The following KCNIP3 variants were observed in gnomAD, a reference collection of about 807,000 sequenced individuals.
KCNIP3 encodes the protein calsenilin.
In KCNIP3, 28 loss-of-function variants were observed where a neutral mutation model predicts 35.0. The observed-to-expected ratio is 0.80, with a 90% CI of 0.59 to 1.10. The LOEUF is 1.10. Among genes scored for constraint, KCNIP3 ranks in the 50% least tolerant of loss-of-function variants. The pLI is 0.00. For missense variants in KCNIP3, 295 were observed against 338.4 expected, an observed-to-expected ratio of 0.87 and a Z score of 1.01; for synonymous variants, 134 against 133.8, an observed-to-expected ratio of 1.00 and a Z score of -0.01.
intron 6 of KCNIP3, 53 bp downstream of exon 6, chr2:95,381,756 AC>A (rs1680352263): frequency 1.8e-6 from 2 of 1,123,494 alleles, no homozygotes; most frequent in Admixed American, 2.0e-5. Context: ...CTGCTGCTCC[AC>A]CCCTCCCGCC....
At chr2:95,310,229 C>T (rs1468537193) in intron 1 of KCNIP3, 126 bp from the exon 2 acceptor site, 4 of 1,127,238 alleles carry the variant, frequency 3.5e-6, no homozygotes, top group South Asian at 1.3e-5. Flanking sequence ...GGCATGCAGC[C>T]CCGGAAGGTG....
At position 95,378,957 on chromosome 2, in the gene KCNIP3, A is replaced by T. The variant is rs933720397; in HGVS notation, c.448-2639A>T. On this transcript the variant is annotated intron_variant, in intron 5 of 8. Coordinates refer to ENST00000295225, the MANE Select transcript of KCNIP3 (RefSeq NM_013434.5). This position sits in a 1 kb window ranked among gnomAD's most constrained non-coding sequence, Gnocchi z 4.0. ...CACACACATGACTGGAGTCCAACAC[A>T]TTCGCAGGGTGCACGTTGGAAAACC... is the stretch of plus-strand genomic sequence containing the variant. Among the ~76,000 whole-genome samples the T allele has an allele frequency of 1.3e-5, 2 of 152,004 alleles. No homozygotes were observed. Among genetic ancestry groups the T allele is most frequent in the African/African-American group, 4.8e-5 (2 of 41,358 alleles).
intron 2 of KCNIP3, chr2:95,313,537 C>T (rs1188413597): frequency 6.6e-6 from 1 of 152,398 alleles, no homozygotes; most frequent in Non-Finnish European, 1.5e-5. Context: ...GGACTCTGGC[C>T]TGCCCTGCAT....
At chr2:95,315,878 G>T (rs1678448500) in intron 2 of KCNIP3, among the ~76,000 whole-genome samples, 2 of 152,180 alleles carry the variant, frequency 1.3e-5, no homozygotes, top group South Asian at 4.1e-4. Context: ...CCTGCCTCGG[G>T]CCCCATCCAC....
At chr2:95,301,413 G>A (rs1287107820) in intron 1 of KCNIP3, among the ~76,000 whole-genome samples, 1 of 152,242 alleles carries the variant, frequency 6.6e-6, no homozygotes, top group African/African-American at 2.4e-5. Flanking sequence ...TGCCTTGTTG[G>A]CTGTGAGCCC....
intron 2 of KCNIP3, among the ~76,000 whole-genome samples, chr2:95,344,277 G>T (rs1260130611): frequency 1.3e-5 from 2 of 151,748 alleles, no homozygotes; most frequent in African/African-American, 2.4e-5. Flanking sequence ...GGCGGGGTGG[G>T]GGGGGGCACA....
chr2:95,313,932 CAT>C (rs531667688), intron 2 of KCNIP3: 34 of 152,008 alleles, frequency 2.2e-4, no homozygotes, highest in South Asian at 2.1e-3. Flanking sequence ...CACACACACA[CAT>C]ACACACACAC....
chr2:95,356,136 G>A (rs1198402944), intron 2 of KCNIP3, among the ~76,000 whole-genome samples: 1 of 152,162 alleles, frequency 6.6e-6, no homozygotes, highest in Non-Finnish European at 1.5e-5. Flanking sequence ...TGGCTGCATA[G>A]ATGTCTGCTT....
chr2:95,307,529 T>C (rs2104205542), intron 1 of KCNIP3, among the ~76,000 whole-genome samples: 1 of 152,322 alleles, frequency 6.6e-6, no homozygotes, highest in South Asian at 2.1e-4. Context: ...CGTGACGAGA[T>C]TACTTTCAGC....
chr2:95,377,372 C>T lies in KCNIP3; in HGVS notation c.447+2164C>T, dbSNP rs577864202. Among the ~76,000 whole-genome samples the T allele has an allele frequency of 2.6e-5, 4 of 152,362 alleles. No homozygotes were observed. Among genetic ancestry groups the T allele is most frequent in the South Asian group, 4.1e-4 (2 of 4,830 alleles). ...ACTGCTCCATGTGCCAGTGGCCAAGCGGCATCCAGGGCCGTGTGAGGGCAG... is the reference window on the plus strand; with the variant it reads ...ACTGCTCCATGTGCCAGTGGCCAAGTGGCATCCAGGGCCGTGTGAGGGCAG... On this transcript the variant is annotated intron_variant, in intron 5 of 8. Transcript: ENST00000295225. The surrounding 1 kb of genome is among the most constrained non-coding windows in gnomAD (Gnocchi z 4.7).
At chr2:95,325,959 A>C (rs1049606175) in intron 2 of KCNIP3, among the ~76,000 whole-genome samples, 2 of 150,262 alleles carry the variant, frequency 1.3e-5, no homozygotes. Context: ...ACACATACAC[A>C]CACTCATAGG....
chr2:95,325,774 TACACACACTC>T (rs1406468875), intron 2 of KCNIP3, among the ~76,000 whole-genome samples: 1 of 143,798 alleles, frequency 7.0e-6, no homozygotes, highest in Non-Finnish European at 1.5e-5. Flanking sequence ...CACACTCATA[TACACACACTC>T]ATACACACTC....
intron 1 of KCNIP3, among the ~76,000 whole-genome samples, chr2:95,307,628 C>G (rs1382036613): frequency 1.3e-5 from 2 of 152,202 alleles, no homozygotes; most frequent in Non-Finnish European, 2.9e-5. Flanking sequence ...TGAGCTAGAA[C>G]CCAGGACACC....
chr2:95,346,993 C>T, intron 2 of KCNIP3: 1 of 1,570,438 alleles, frequency 6.4e-7, no homozygotes, highest in Non-Finnish European at 8.7e-7. Flanking sequence ...CGCCCGGGCC[C>T]CAGGGCCCCA....
intron 2 of KCNIP3, among the ~76,000 whole-genome samples, chr2:95,330,779 G>A (rs1409007185): frequency 6.6e-6 from 1 of 152,222 alleles, no homozygotes; most frequent in Non-Finnish European, 1.5e-5. Context: ...CCATTGTGAA[G>A]CCGTGGGTCT....
At chr2:95,375,294 C>CGA in intron 5 of KCNIP3, 86 bp downstream of exon 5, 1 of 1,242,036 alleles carries the variant, frequency 8.1e-7, no homozygotes, top group Non-Finnish European at 1.2e-6. Flanking sequence ...TCAGGGCTGT[C>CGA]GAGAGAGCCA....
intron 2 of KCNIP3, among the ~76,000 whole-genome samples, chr2:95,354,508 C>T (rs1214460074): frequency 6.6e-6 from 1 of 152,146 alleles, no homozygotes; most frequent in African/African-American, 2.4e-5. Flanking sequence ...GGTCTGGGGA[C>T]AGCAGAGGTG....
Position 95,381,810 on chromosome 2 carries a change from G to A in KCNIP3, c.555+107G>A, listed in dbSNP as rs964213731. ...TCCTGCTGCCCACCTGTCTTCTCCC[G>A]CTGTCCATCCAGAGACTGGCCCCAG... On this transcript the variant is annotated intron_variant, in intron 6 of 8. Transcript: ENST00000295225. 1.2e-4 allele frequency: 97 copies of A among 793,548 alleles called. 1 individual carries two copies. The highest frequency in any genetic ancestry group is 4.0e-4 in the African/African-American group (24 of 59,922). The allele number at this position is 793,548 out of a possible 1,614,324, so 49.2% of individuals were successfully genotyped here. A position where few individuals can be genotyped will look rare whatever the true frequency, so the allele number is the denominator to read the frequency against.
intron 2 of KCNIP3, among the ~76,000 whole-genome samples, chr2:95,334,658 C>T (rs1236649437): frequency 6.6e-6 from 1 of 152,204 alleles, no homozygotes; most frequent in Non-Finnish European, 1.5e-5. Flanking sequence ...AGCTCCCCTG[C>T]ACTGAATCTG....
Sources: allele counts gnomAD v4.1 joint callset (sites outside exome capture counted in the v4.1 genomes callset), GRCh38; gene constraint gnomAD v4.1.1; non-coding constraint Gnocchi (gnomAD v3.1); transcripts MANE v1.5; gene names NCBI Gene and HGNC (gene_info 2026-07-23, HGNC 2026-07-21).